Variants in MAPKAPK2 observed in about 807,000 individuals in gnomAD.
MAPKAPK2 encodes the protein MAP kinase-activated protein kinase 2.
Under a neutral mutation model 48.8 loss-of-function variants are expected in MAPKAPK2, and 9 were observed. That is an observed-to-expected ratio of 0.18 (90% CI 0.11 to 0.32). The LOEUF (loss-of-function observed/expected upper bound fraction) is 0.32, where lower values mean the gene tolerates loss of function less well. Ranked by LOEUF, MAPKAPK2 falls within the 10% of genes least tolerant of loss-of-function variation. The pLI, the probability that MAPKAPK2 is intolerant of heterozygous loss-of-function variation, is 1.00. For synonymous variants in MAPKAPK2, 202 were observed against 190.6 expected (o/e 1.06, Z -0.49); for missense variants, 331 against 498.3 (o/e 0.66, Z 3.20).
chr1:206,721,435 A>G (rs899424251), intron 1 of MAPKAPK2, among the ~76,000 whole-genome samples: 4 of 152,190 alleles, frequency 2.6e-5, no homozygotes, highest in African/African-American at 9.7e-5. Flanking sequence ...TGAGATGTAT[A>G]TTTTCTTAAA....
intron 1 of MAPKAPK2, among the ~76,000 whole-genome samples, chr1:206,724,226 G>A (rs1302291591): frequency 2.0e-5 from 3 of 152,178 alleles, no homozygotes; most frequent in Admixed American, 1.3e-4. Context: ...CTGCCGCCTC[G>A]CTCTGCTGGT....
chr1:206,719,824 C>A (rs897739991), intron 1 of MAPKAPK2, among the ~76,000 whole-genome samples: 1 of 152,236 alleles, frequency 6.6e-6, no homozygotes, highest in Non-Finnish European at 1.5e-5. Flanking sequence ...TAAACCATTG[C>A]TGCTTTTGTG....
chr1:206,728,860 A>G lies in MAPKAPK2; in HGVS notation c.419+11A>G. 6.2e-7 allele frequency: 1 copy of G among 1,613,892 alleles called. No homozygotes were observed. The highest frequency in any genetic ancestry group is 8.5e-7 in the Non-Finnish European group (1 of 1,179,914). ...GATTGTCATGGAATGGTAAGCAGCC[A>G]CTGTTCTAGTCCCGGCCCAGCCTGT... On this transcript the variant is annotated intron_variant, in intron 2 of 9. Coordinates refer to ENST00000367103, the MANE Select transcript of MAPKAPK2 (RefSeq NM_032960.4).
intron 1 of MAPKAPK2, among the ~76,000 whole-genome samples, chr1:206,699,615 G>C (rs539849115): frequency 6.6e-6 from 1 of 152,340 alleles, no homozygotes; most frequent in East Asian, 1.9e-4. Context: ...AAAAGAAATG[G>C]CTGGGCTAAA....
intron 1 of MAPKAPK2, among the ~76,000 whole-genome samples, chr1:206,723,892 C>T (rs868950310): frequency 3.2e-4 from 49 of 152,358 alleles, no homozygotes; most frequent in African/African-American, 1.2e-3. Flanking sequence ...GGCCCCTGCC[C>T]CTGCCACAGT....
chr1:206,727,916 C>G (rs568947058), intron 1 of MAPKAPK2, among the ~76,000 whole-genome samples: 29 of 152,200 alleles, frequency 1.9e-4, no homozygotes, highest in Admixed American at 4.6e-4. Flanking sequence ...AGCCACCGTG[C>G]CCGGCAGCAG....
chr1:206,716,126 A>G (rs1264568756), intron 1 of MAPKAPK2, among the ~76,000 whole-genome samples: 2 of 147,708 alleles, frequency 1.4e-5, no homozygotes, highest in Non-Finnish European at 3.0e-5. Flanking sequence ...AACATAATTT[A>G]CTAGGTTTTT....
chr1:206,696,739 A>G lies in MAPKAPK2; in HGVS notation c.279+11231A>G, dbSNP rs567955266. ...ATCCTAGAGTATTTTGGCACTGTGC[A>G]TTATATGCATTATACTTAGCTGCTG... is the stretch of plus-strand genomic sequence containing the variant. On this transcript the variant is annotated intron_variant, in intron 1 of 9. Transcript: ENST00000367103. Among the ~76,000 whole-genome samples the G allele has an allele frequency of 1.2e-4, 18 of 152,308 alleles. No homozygotes were observed. The South Asian group carries it at 3.7e-3, about 32-fold the overall frequency.
chr1:206,722,629 G>A (rs1673560531), intron 1 of MAPKAPK2, among the ~76,000 whole-genome samples: 1 of 152,212 alleles, frequency 6.6e-6, no homozygotes, highest in Admixed American at 6.5e-5. Context: ...TGCAGGGCTG[G>A]CAGAAGTGGA....
chr1:206,686,054 G>T (rs1280043309), intron 1 of MAPKAPK2, among the ~76,000 whole-genome samples: 1 of 152,142 alleles, frequency 6.6e-6, no homozygotes, highest in East Asian at 1.9e-4. Context: ...GGGCCGCCTT[G>T]GGGCGCGCCG....
At chr1:206,694,967 C>G (rs1672570101) in intron 1 of MAPKAPK2, among the ~76,000 whole-genome samples, 1 of 152,220 alleles carries the variant, frequency 6.6e-6, no homozygotes, top group Non-Finnish European at 1.5e-5. Context: ...CTCTGACTGC[C>G]AGGCTCACGA....
intron 1 of MAPKAPK2, among the ~76,000 whole-genome samples, chr1:206,722,071 A>G (rs1404733027): frequency 1.3e-5 from 2 of 151,620 alleles, no homozygotes; most frequent in African/African-American, 4.9e-5. Flanking sequence ...ATTTCAAAAA[A>G]AAAAAAAGGC....
Position 206,685,186 on chromosome 1 carries a change from C to T in MAPKAPK2, c.-44C>T. ...GGGGGCCCGGAGCCGGAGGAGGGGG[C>T]GGCCGCGGGCACCCCCGCCTGTGCC... On this transcript the variant is annotated 5_prime_UTR_variant, in exon 1 of 10. Coordinates refer to ENST00000367103, the MANE Select transcript of MAPKAPK2 (RefSeq NM_032960.4). The T allele has an allele frequency of 7.0e-6, 2 of 284,894 alleles. No individual in the cohort carries two copies. Among genetic ancestry groups the T allele is most frequent in the Non-Finnish European group, 6.3e-6 (1 of 158,122 alleles). 17.6% of individuals were successfully genotyped at this position (284,894 alleles called of 1,614,324 possible). A position where few individuals can be genotyped will look rare whatever the true frequency, so the allele number is the denominator to read the frequency against.
chr1:206,708,326 A>T (rs782464967), intron 1 of MAPKAPK2, among the ~76,000 whole-genome samples: 1 of 152,002 alleles, frequency 6.6e-6, no homozygotes, highest in Admixed American at 6.6e-5. Flanking sequence ...GTTACTTCCT[A>T]TTCCTCCTCA....
At chr1:206,726,659 TG>T (rs1416622571) in intron 1 of MAPKAPK2, among the ~76,000 whole-genome samples, 2 of 152,214 alleles carry the variant, frequency 1.3e-5, no homozygotes, top group Non-Finnish European at 2.9e-5. Context: ...TGGAAAGACT[TG>T]GTCTTTGGAG....
chr1:206,716,987 T>C (rs1303861539), intron 1 of MAPKAPK2, among the ~76,000 whole-genome samples: 5 of 152,328 alleles, frequency 3.3e-5, no homozygotes, highest in African/African-American at 1.2e-4. Context: ...AAGTGTTTAT[T>C]GTGACTCTTC....
chr1:206,731,852 T>C lies in MAPKAPK2; in HGVS notation c.992T>C (p.Val331Ala). The change falls in exon 9 of 10, where the codon GTC becomes GCC. Residue 331 changes from valine to alanine, a missense_variant. This residue lies in a region of MAPKAPK2 where 124 missense variants were observed against 194.6 expected (regional missense o/e 0.64). Transcript: ENST00000367103. The surrounding 1 kb of genome is among the most constrained non-coding windows in gnomAD (Gnocchi z 5.9). ...CTCTCTTCTCAGCAATCAACAAAGG[T>C]CCCTCAAACCCCACTGCACACCAGC... ...NHPWIMQSTKVPQTPLHTSRV... is the reference protein window; with the variant it reads ...NHPWIMQSTKAPQTPLHTSRV... 6.2e-7 allele frequency: 1 copy of C among 1,613,906 alleles called. No individual in the cohort carries two copies. The highest frequency in any genetic ancestry group is 8.5e-7 in the Non-Finnish European group (1 of 1,179,962).
At chr1:206,701,830 CTA>C (rs1491155129) in intron 1 of MAPKAPK2, among the ~76,000 whole-genome samples, 1,359 of 80,090 alleles carry the variant, frequency 0.017, 13 homozygotes, top group African/African-American at 0.058. Flanking sequence ...GACCCTGTCT[CTA>C]AAAAAAAAAA....
At chr1:206,693,145 G>GT in intron 1 of MAPKAPK2, among the ~76,000 whole-genome samples, 1 of 152,282 alleles carries the variant, frequency 6.6e-6, no homozygotes, top group South Asian at 2.1e-4. Context: ...GATCCACATT[G>GT]TTAGGAGGCT....
Sources: allele counts gnomAD v4.1 joint callset (sites outside exome capture counted in the v4.1 genomes callset), GRCh38; gene constraint gnomAD v4.1.1; regional missense constraint gnomAD v4.1.1; non-coding constraint Gnocchi (gnomAD v3.1); transcripts MANE v1.5; gene names NCBI Gene and HGNC (gene_info 2026-07-23, HGNC 2026-07-21).